Variants in CLEC2A observed in about 807,000 individuals in gnomAD.
The protein encoded by CLEC2A is C-type lectin domain family 2 member A, also known as keratinocyte-associated C-type lectin.
CLEC2A carries 19 observed loss-of-function variants against 18.6 expected under a neutral mutation model. The ratio of observed to expected loss-of-function variants is 1.02; its 90% confidence interval spans 0.71 to 1.50. The LOEUF is 1.50. CLEC2A is among the 40% of genes most tolerant of loss of function. CLEC2A has a pLI of 0.00. For synonymous variants in CLEC2A, 74 were observed against 64.0 expected (o/e 1.16, Z -0.75); for missense variants, 190 against 207.9 (o/e 0.91, Z 0.53).
the CLEC2A span, among the ~76,000 whole-genome samples, chr12:9,886,084 T>C: frequency 6.6e-6 from 1 of 152,154 alleles, no homozygotes; most frequent in African/African-American, 2.4e-5. Flanking sequence ...AATGCAATAA[T>C]TATTCTTTTA....
downstream of CLEC2A, among the ~76,000 whole-genome samples, chr12:9,897,621 C>T (rs1176888611): frequency 2.6e-5 from 4 of 151,762 alleles, no homozygotes; most frequent in Admixed American, 2.6e-4. Context: ...GATTGAATAC[C>T]AGGCGATCAC....
chr12:9,901,603 C>T (rs1369992254), intron 4 of CLEC2A, among the ~76,000 whole-genome samples: 1 of 152,118 alleles, frequency 6.6e-6, no homozygotes, highest in Non-Finnish European at 1.5e-5. Context: ...CTGTTTACTT[C>T]ATTTTTCTGG....
the CLEC2A span, among the ~76,000 whole-genome samples, chr12:9,879,121 G>A: frequency 6.6e-6 from 1 of 151,620 alleles, no homozygotes; most frequent in Non-Finnish European, 1.5e-5. Flanking sequence ...CTGTGACAAT[G>A]ATTAGCTGAT....
At chr12:9,928,725 A>G (rs1425697978) in intron 1 of CLEC2A, among the ~76,000 whole-genome samples, 1 of 152,224 alleles carries the variant, frequency 6.6e-6, no homozygotes, top group Non-Finnish European at 1.5e-5. Flanking sequence ...CACGCAAGTG[A>G]GCAATAAGCA....
chr12:9,903,839 C>A (rs570349637), intron 4 of CLEC2A, among the ~76,000 whole-genome samples: 1 of 152,138 alleles, frequency 6.6e-6, no homozygotes, highest in African/African-American at 2.4e-5. Flanking sequence ...GGACTCCTCT[C>A]GGGACTCCAA....
chr12:9,914,955 C>T (rs1162378003), intron 4 of CLEC2A, among the ~76,000 whole-genome samples: 1 of 151,824 alleles, frequency 6.6e-6, no homozygotes, highest in East Asian at 1.9e-4. Context: ...TTGCAATCTA[C>T]CCATCTGTCA....
chr12:9,891,606 C>A, the CLEC2A span, among the ~76,000 whole-genome samples: 1 of 152,094 alleles, frequency 6.6e-6, no homozygotes, highest in East Asian at 1.9e-4. Context: ...CATTTTATAC[C>A]TTTTAGCAAA....
At chr12:9,881,532 T>G in the CLEC2A span, 53 of 1,198,720 alleles carry the variant, frequency 4.4e-5, no homozygotes, top group Non-Finnish European at 5.6e-5. Flanking sequence ...TATCCAAGGT[T>G]GAGATTAGTT....
intron 2 of CLEC2A, among the ~76,000 whole-genome samples, chr12:9,923,304 G>A (rs922471244): frequency 2.6e-5 from 4 of 152,170 alleles, no homozygotes; most frequent in Non-Finnish European, 2.9e-5. Context: ...AGACATTTAC[G>A]CAGCCAACAG....
At chr12:9,926,667 A>T (rs947295443) in intron 1 of CLEC2A, among the ~76,000 whole-genome samples, 5 of 152,178 alleles carry the variant, frequency 3.3e-5, no homozygotes, top group African/African-American at 1.2e-4. Context: ...AGGCATAAAG[A>T]TCATCAAAAG....
chr12:9,894,012 ATTTCTT>A (rs986541961), downstream of CLEC2A, among the ~76,000 whole-genome samples: 177 of 151,792 alleles, frequency 1.2e-3, no homozygotes, highest in African/African-American at 4.2e-3. Context: ...GTTGATATCC[ATTTCTT>A]TTTCTTTTCT....
intron 3 of CLEC2A, among the ~76,000 whole-genome samples, chr12:9,919,350 G>A (rs879143068): frequency 2.0e-5 from 3 of 152,226 alleles, no homozygotes; most frequent in Admixed American, 2.0e-4. Flanking sequence ...GGTCTCTGCT[G>A]TGGGCCCAAG....
chr12:9,922,330 G>T, intron 2 of CLEC2A, 98 bp from the exon 3 acceptor site: 1 of 1,005,322 alleles, frequency 9.9e-7, no homozygotes, highest in Non-Finnish European at 1.4e-6. Context: ...TCCACAGTTT[G>T]AGGCCCGTAA....
chr12:9,900,923 A>T (rs935617933), intron 4 of CLEC2A, among the ~76,000 whole-genome samples: 1 of 152,344 alleles, frequency 6.6e-6, no homozygotes, highest in Admixed American at 6.5e-5. Context: ...GCAAACAACC[A>T]TATTGCCATA....
chr12:9,894,126 T>TTCTTTCTCTCTC (rs1555127271), downstream of CLEC2A, among the ~76,000 whole-genome samples: 1 of 130,200 alleles, frequency 7.7e-6, no homozygotes, highest in African/African-American at 3.0e-5. Context: ...TTTCTTTTCT[T>TTCTTTCTCTCTC]TCTCTCTCTC....
chr12:9,899,798 G>C (rs1341837121), intron 4 of CLEC2A, among the ~76,000 whole-genome samples: 1 of 152,170 alleles, frequency 6.6e-6, no homozygotes, highest in African/African-American at 2.4e-5. Flanking sequence ...GAAGCTTGGG[G>C]TTGCCTTAAT....
the CLEC2A span, among the ~76,000 whole-genome samples, chr12:9,889,904 G>A: frequency 6.6e-6 from 1 of 151,782 alleles, no homozygotes; most frequent in East Asian, 1.9e-4. Context: ...TCTGTAAATT[G>A]GGGGTGATAA....
intron 4 of CLEC2A, among the ~76,000 whole-genome samples, chr12:9,907,007 C>T (rs910434556): frequency 1.3e-4 from 20 of 152,190 alleles, no homozygotes; most frequent in African/African-American, 4.3e-4. Flanking sequence ...TAAGATAGTT[C>T]TAACTTGATG....
the CLEC2A span, chr12:9,893,316 T>C: frequency 5.7e-5 from 48 of 843,062 alleles, no homozygotes; most frequent in Non-Finnish European, 8.3e-5. Context: ...AAAAAAATGC[T>C]AATGTATATG....
Sources: gnomAD v4.1 joint callset for allele counts (sites outside exome capture counted in the v4.1 genomes callset) on GRCh38, gnomAD v4.1.1 for gene constraint, MANE v1.5 for transcripts, NCBI Gene and HGNC (gene_info 2026-07-23, HGNC 2026-07-21) for gene names.